The following PRKAR1A variants were observed in gnomAD, a reference collection of about 807,000 sequenced individuals.
PRKAR1A encodes the protein cAMP-dependent protein kinase type I-alpha regulatory subunit.
A neutral mutation model predicts 52.0 loss-of-function variants in PRKAR1A; 3 were observed. The ratio of observed to expected loss-of-function variants is 0.06; its 90% CI spans 0.03 to 0.15. PRKAR1A has a LOEUF of 0.15. PRKAR1A is among the 10% of genes least tolerant of loss of function. PRKAR1A has a pLI of 1.00. For synonymous variants in PRKAR1A, 188 were observed against 168.4 expected, an observed-to-expected ratio of 1.12 and a Z score of -0.90; for missense variants, 240 against 477.4, an observed-to-expected ratio of 0.50 and a Z score of 4.63.
intron 3 of PRKAR1A, 24 bp from the exon 4 acceptor site, chr17:68,523,701 A>G (rs1440952679): frequency 1.9e-6 from 3 of 1,582,214 alleles, no homozygotes; most frequent in South Asian, 2.2e-5. Context: ...TGGAATTGTC[A>G]TTTGACCTTC....
chr17:68,434,561 C>T, the PRKAR1A span: 172 of 1,613,956 alleles, frequency 1.1e-4, no homozygotes, highest in African/African-American at 2.1e-3. Flanking sequence ...CAGACCTTTT[C>T]ATCCCTCTCC....
At chr17:68,538,002 A>T (rs1042324404), downstream of PRKAR1A, among the ~76,000 whole-genome samples, 2 of 152,200 alleles carry the variant, frequency 1.3e-5, no homozygotes, top group Non-Finnish European at 2.9e-5. Context: ...ATGCTGGGCT[A>T]TATGCATTTT....
intron 1 of PRKAR1A, among the ~76,000 whole-genome samples, chr17:68,513,688 G>C (rs1354822854): frequency 6.6e-6 from 1 of 152,180 alleles, no homozygotes; most frequent in African/African-American, 2.4e-5. Context: ...TGTGAAGTCT[G>C]GTTATTCAGG....
chr17:68,529,913 A>T lies in PRKAR1A; in HGVS notation c.892-7A>T, dbSNP rs2085917049. On this transcript the variant is annotated splice_polypyrimidine_tract_variant and splice_region_variant and intron_variant, in intron 9 of 10. Transcript: ENST00000589228. ...GTTTGTTTAGCTTTTTGGTGATTTT[A>T]TTATAGGGGTCAGCTGCTGTGCTAC... is the stretch of plus-strand genomic sequence containing the variant. The T allele has an allele frequency of 6.2e-7, 1 of 1,613,886 alleles. No individual in the cohort carries two copies. The highest frequency in any genetic ancestry group is 8.5e-7 in the Non-Finnish European group (1 of 1,179,832).
chr17:68,537,317 A>G (rs1382910115), downstream of PRKAR1A: 1 of 905,142 alleles, frequency 1.1e-6, no homozygotes, highest in South Asian at 1.4e-5. This position sits in a 1 kb window ranked among gnomAD's most constrained non-coding sequence, Gnocchi z 4.2. Flanking sequence ...GTAAAGATTC[A>G]GTTCCATGGG....
chr17:68,542,204 G>A (rs888911391), intron 11 of PRKAR1A: 1 of 1,608,624 alleles, frequency 6.2e-7, no homozygotes, highest in Admixed American at 1.7e-5. Flanking sequence ...TAAGTGGAGG[G>A]CTCTGGAGGC....
the PRKAR1A span, chr17:68,430,228 C>T: frequency 1.3e-6 from 2 of 1,507,866 alleles, no homozygotes; most frequent in Non-Finnish European, 1.8e-6. Flanking sequence ...GGAATCTCCA[C>T]ACCCAAGCGT....
chr17:68,451,475 G>A, the PRKAR1A span, among the ~76,000 whole-genome samples: 1 of 152,238 alleles, frequency 6.6e-6, no homozygotes, highest in East Asian at 1.9e-4. Context: ...CTGCAAGTCA[G>A]AGCAAAGGCA....
chr17:68,486,951 G>A, the PRKAR1A span, among the ~76,000 whole-genome samples: 1 of 151,802 alleles, frequency 6.6e-6, no homozygotes, highest in Admixed American at 6.6e-5. Flanking sequence ...TCGGCTCACT[G>A]CAACCTCCGC....
intron 11 of PRKAR1A, among the ~76,000 whole-genome samples, chr17:68,547,917 T>A (rs1303203157): frequency 6.6e-6 from 1 of 152,232 alleles, no homozygotes; most frequent in Non-Finnish European, 1.5e-5. Context: ...CTTACTAGCC[T>A]CCTGAATAAT....
At chr17:68,547,686 T>C (rs745906738) in intron 11 of PRKAR1A, among the ~76,000 whole-genome samples, 2 of 152,234 alleles carry the variant, frequency 1.3e-5, no homozygotes, top group African/African-American at 2.4e-5. Flanking sequence ...CTGCTCTGGA[T>C]TAAGCTTTGG....
chr17:68,507,660 C>G, upstream of PRKAR1A, among the ~76,000 whole-genome samples: 1 of 152,054 alleles, frequency 6.6e-6, no homozygotes. Flanking sequence ...AAAAAACAAA[C>G]AAACATACAT....
At position 68,530,282 on chromosome 17, in the gene PRKAR1A, A is replaced by G; in HGVS notation, c.979A>G (p.Ile327Val). Reference protein sequence around the residue: ...RLGPSDYFGEIALLMNRPRAA... With the variant: ...RLGPSDYFGEVALLMNRPRAA... ...CCCATCTTTGCTTTCTCCAGGTGAA[A>G]TTGCACTACTGATGAATCGTCCTCG... is the stretch of plus-strand genomic sequence containing the variant. The change falls in exon 11 of 11, where the codon ATT (isoleucine) becomes GTT (valine). Residue 327 changes from isoleucine to valine, a missense_variant. Ile to Val is a conservative substitution (Grantham distance 29, BLOSUM62 3). Coordinates refer to ENST00000589228, the MANE Select transcript of PRKAR1A (RefSeq NM_002734.5). The G allele has an allele frequency of 1.2e-6, 2 of 1,614,102 alleles. No homozygotes were observed. Among genetic ancestry groups the G allele is most frequent in the Non-Finnish European group, 1.7e-6 (2 of 1,179,980 alleles).
the PRKAR1A span, among the ~76,000 whole-genome samples, chr17:68,414,553 T>C: frequency 6.6e-6 from 1 of 152,220 alleles, no homozygotes; most frequent in African/African-American, 2.4e-5. Context: ...TAGAATGAAT[T>C]AGGGAGGGTT....
rs1223925486 is a variant in PRKAR1A at position 68,532,140 on chromosome 17, AAAT to A, written c.*1695_*1697del. The A allele has an allele frequency of 1.9e-6, 2 of 1,056,534 alleles. No homozygotes were observed. The highest frequency in any genetic ancestry group is 3.3e-5 in the African/African-American group (2 of 60,834). The allele number at this position is 1,056,534 out of a possible 1,614,324, so 65.4% of individuals were successfully genotyped here. ...CTTGTTACAAATTTTTTAATTTCCA[AAAT>A]AATCTATATTAAATGAGGGTTTCTG... On this transcript the variant is annotated 3_prime_UTR_variant, in exon 11 of 11. Transcript: ENST00000589228.
chr17:68,515,611 G>A (rs2085408971), intron 2 of PRKAR1A, 35 bp downstream of exon 2: 1 of 1,591,574 alleles, frequency 6.3e-7, no homozygotes, highest in Non-Finnish European at 8.6e-7. Flanking sequence ...TGAGGTGATT[G>A]TGACAGTTGT....
chr17:68,496,440 C>T, the PRKAR1A span, among the ~76,000 whole-genome samples: 2 of 152,202 alleles, frequency 1.3e-5, no homozygotes, highest in Admixed American at 6.5e-5. Context: ...CATGGAAGGA[C>T]CCTTGTGATT....
At chr17:68,505,131 C>T in the PRKAR1A span, among the ~76,000 whole-genome samples, 50 of 152,166 alleles carry the variant, frequency 3.3e-4, no homozygotes, top group African/African-American at 1.2e-3. Context: ...CCTGTTTCTA[C>T]CCCCCAAAAT....
the PRKAR1A span, among the ~76,000 whole-genome samples, chr17:68,451,231 G>T: frequency 2.6e-5 from 4 of 152,230 alleles, no homozygotes; most frequent in African/African-American, 9.6e-5. Flanking sequence ...AGGAGTTCAA[G>T]ACCAGCCTGG....
Sources: allele counts gnomAD v4.1 joint callset (sites outside exome capture counted in the v4.1 genomes callset), GRCh38; gene constraint gnomAD v4.1.1; non-coding constraint Gnocchi (gnomAD v3.1); transcripts MANE v1.5; gene names NCBI Gene and HGNC (gene_info 2026-07-23, HGNC 2026-07-21).